The following SCARB1 variants were observed in gnomAD, a reference collection of about 807,000 sequenced individuals.
SCARB1 encodes the protein scavenger receptor class B member 1, also known as CD36 and LIMPII analogous 1.
SCARB1 carries 30 observed loss-of-function variants against 57.2 expected under a neutral mutation model. The ratio of observed to expected loss-of-function variants is 0.52; its 90% CI spans 0.39 to 0.71. SCARB1 has a LOEUF of 0.71. SCARB1 is among the 30% of genes least tolerant of loss of function. SCARB1 has a pLI of 0.00. For synonymous variants in SCARB1, 249 were observed against 268.3 expected, an observed-to-expected ratio of 0.93 and a Z score of 0.70; for missense variants, 543 against 671.2, an observed-to-expected ratio of 0.81 and a Z score of 2.11.
chr12:124,792,405 C>G (rs911875007), intron 9 of SCARB1, among the ~76,000 whole-genome samples: 6 of 152,042 alleles, frequency 3.9e-5, no homozygotes, highest in Non-Finnish European at 7.4e-5. Context: ...CACTGGCAGG[C>G]ACAATCCAGC....
In SCARB1 at chr12:124,800,703, A is replaced by G. The variant is rs560240295; in HGVS notation, c.1010-461T>C. 6.6e-6 allele frequency among the ~76,000 whole-genome samples: 1 copy of G among 152,306 alleles called. No homozygotes were observed. Among genetic ancestry groups the G allele is most frequent in the Admixed American group, 6.5e-5 (1 of 15,308 alleles). On this transcript the variant is annotated intron_variant, in intron 7 of 12. Coordinates refer to ENST00000261693, the MANE Select transcript of SCARB1 (RefSeq NM_005505.5). This position sits in a 1 kb window ranked among gnomAD's most constrained non-coding sequence, Gnocchi z 4.8. ...CAGCCCACACTGTCCCCTGCAGGAC[A>G]CGCAGCAATGATCGGAGCTCAGGTG... is the stretch of plus-strand genomic sequence containing the variant.
chr12:124,834,913 C>G (rs557592531), intron 1 of SCARB1, among the ~76,000 whole-genome samples: 6 of 151,892 alleles, frequency 4.0e-5, no homozygotes, highest in East Asian at 3.9e-4. Context: ...GTCCACCCCC[C>G]CAAAAAAAAG....
chr12:124,858,559 C>T (rs1479350949), intron 1 of SCARB1, among the ~76,000 whole-genome samples: 1 of 152,150 alleles, frequency 6.6e-6, no homozygotes, highest in Non-Finnish European at 1.5e-5. Context: ...AACTATGTAT[C>T]TGTTCATTCG....
intron 9 of SCARB1, among the ~76,000 whole-genome samples, chr12:124,793,251 A>T (rs1949794996): frequency 6.6e-6 from 1 of 152,136 alleles, no homozygotes; most frequent in African/African-American, 2.4e-5. Flanking sequence ...AATTTTTTTT[A>T]ACGAAACTAT....
intron 8 of SCARB1, among the ~76,000 whole-genome samples, chr12:124,798,668 C>A (rs4765609): frequency 6.6e-6 from 1 of 151,038 alleles, no homozygotes; most frequent in Non-Finnish European, 1.5e-5. Flanking sequence ...CGTGGCAAAA[C>A]CCTGTGTCTA....
Position 124,807,753 on chromosome 12 carries a change from G to GCA in SCARB1, c.1009+6_1009+7dup. 1.2e-6 allele frequency: 2 copies of GCA among 1,613,980 alleles called. No homozygotes were observed. The highest frequency in any genetic ancestry group is 2.2e-5 in the South Asian group (2 of 91,072). ...TCCCGCCATCCCAGCACAGGGGACG[G>GCA]CACGTACTGAACCTGCAGGTGCTGA... On this transcript the variant is annotated splice_region_variant and intron_variant, in intron 7 of 12. Transcript: ENST00000261693. This position sits in a 1 kb window ranked among gnomAD's most constrained non-coding sequence, Gnocchi z 5.3.
intron 1 of SCARB1, among the ~76,000 whole-genome samples, chr12:124,856,635 GCC>G (rs1321894969): frequency 6.6e-6 from 1 of 152,236 alleles, no homozygotes; most frequent in African/African-American, 2.4e-5. Flanking sequence ...TCCTCGAGGA[GCC>G]CCCTCCCCAC....
Position 124,812,363 on chromosome 12 carries a change from C to T in SCARB1, c.631-398G>A, listed in dbSNP as rs1038138614. Among the ~76,000 whole-genome samples the T allele has an allele frequency of 6.6e-6, 1 of 152,186 alleles. No individual in the cohort carries two copies. The highest frequency in any genetic ancestry group is 2.1e-4 in the South Asian group (1 of 4,828). Reference sequence around the variant, plus strand: ...TAAGGACTGTGCACACGCCTTTCACCGGGCTCTCTGCCGCTGCTATAGCAG... The same window carrying T: ...TAAGGACTGTGCACACGCCTTTCACTGGGCTCTCTGCCGCTGCTATAGCAG... On this transcript the variant is annotated intron_variant, in intron 4 of 12. Coordinates refer to ENST00000261693, the MANE Select transcript of SCARB1 (RefSeq NM_005505.5). The surrounding 1 kb of genome is among the most constrained non-coding windows in gnomAD (Gnocchi z 4.3).
chr12:124,810,371 C>A lies in SCARB1; in HGVS notation c.727-82G>T. The A allele has an allele frequency of 1.1e-6, 1 of 922,058 alleles. No homozygotes were observed. The highest frequency in any genetic ancestry group is 1.8e-6 in the Non-Finnish European group (1 of 558,140). The allele number at this position is 922,058 out of a possible 1,614,324, so 57.1% of individuals were successfully genotyped here. On this transcript the variant is annotated intron_variant, in intron 5 of 12. Coordinates refer to ENST00000261693, the MANE Select transcript of SCARB1 (RefSeq NM_005505.5). The surrounding 1 kb of genome is among the most constrained non-coding windows in gnomAD (Gnocchi z 4.0). Reference sequence around the variant, plus strand: ...CCTCTCAGGTGCTGCACACCTAACTCACCCTGGTGCACGCACGGCCACTCA... The same window carrying A: ...CCTCTCAGGTGCTGCACACCTAACTAACCCTGGTGCACGCACGGCCACTCA...
At chr12:124,786,052 T>C in intron 11 of SCARB1, 1 of 1,513,160 alleles carries the variant, frequency 6.6e-7, no homozygotes, top group Non-Finnish European at 8.8e-7. Context: ...CATCCCCGGG[T>C]GCTGACTTGA....
Position 124,855,093 on chromosome 12 carries a change from G to A in SCARB1, c.126+8502C>T, listed in dbSNP as rs557832858. Among the ~76,000 whole-genome samples the A allele has an allele frequency of 1.5e-3, 234 of 152,282 alleles. 1 individual carries two copies. The highest frequency in any genetic ancestry group is 4.3e-3 in the Admixed American group (66 of 15,302). On this transcript the variant is annotated intron_variant, in intron 1 of 12. Transcript: ENST00000261693. ...AAGAAGACAGAGCAGCCAGGAAGGT[G>A]GGAGGAAAACCCAGAGAATGGAGAT...
intron 9 of SCARB1, among the ~76,000 whole-genome samples, chr12:124,793,711 AAAAG>A: frequency 6.6e-6 from 1 of 151,064 alleles, no homozygotes; most frequent in East Asian, 2.0e-4. Flanking sequence ...AAAAAAAAAA[AAAAG>A]AATGGGGATG....
In SCARB1 at chr12:124,817,789, C is replaced by G. The variant is rs762483065; in HGVS notation, c.127-82G>C. On this transcript the variant is annotated intron_variant, in intron 1 of 12. Transcript: ENST00000261693. This position sits in a 1 kb window ranked among gnomAD's most constrained non-coding sequence, Gnocchi z 4.8. ...ACCACAAGGCTCCGGAACAGCTGCCCGAGCCCGGCCAGGGAAGGGGCTCCT... is the reference window on the plus strand; with the variant it reads ...ACCACAAGGCTCCGGAACAGCTGCCGGAGCCCGGCCAGGGAAGGGGCTCCT... 8 of 1,499,526 alleles carry G rather than the reference C, an allele frequency of 5.3e-6. No individual in the cohort carries two copies. The highest frequency in any genetic ancestry group is 3.4e-5 in the South Asian group (3 of 88,576). The allele number at this position is 1,499,526 out of a possible 1,614,324, so 92.9% of individuals were successfully genotyped here.
At chr12:124,853,018 A>G (rs2135834384) in intron 1 of SCARB1, among the ~76,000 whole-genome samples, 1 of 151,948 alleles carries the variant, frequency 6.6e-6, no homozygotes, top group Non-Finnish European at 1.5e-5. Flanking sequence ...CAGCTGAAAA[A>G]CCACACAGAT....
At chr12:124,804,932 A>G (rs1200237973) in intron 7 of SCARB1, among the ~76,000 whole-genome samples, 2 of 152,106 alleles carry the variant, frequency 1.3e-5, no homozygotes, top group Non-Finnish European at 2.9e-5. Flanking sequence ...TACAGAACGC[A>G]CTCACCATCC....
chr12:124,820,393 T>A (rs920867447), intron 1 of SCARB1, among the ~76,000 whole-genome samples: 22 of 152,110 alleles, frequency 1.4e-4, no homozygotes, highest in Non-Finnish European at 2.5e-4. Context: ...GAGGTCTTCC[T>A]GGGGGAGGTG....
Position 124,814,429 on chromosome 12 carries a change from G to C in SCARB1, c.427-24C>G. The C allele has an allele frequency of 6.2e-7, 1 of 1,610,646 alleles. No individual in the cohort carries two copies. Among genetic ancestry groups the C allele is most frequent in the Non-Finnish European group, 8.5e-7 (1 of 1,178,220 alleles). ...CCCTGCAAGGCGAAGGGACACTAGT[G>C]TCAGAGGCTGGACGTGGCTGGCCCA... is the stretch of plus-strand genomic sequence containing the variant. On this transcript the variant is annotated intron_variant, in intron 3 of 12. Coordinates refer to ENST00000261693, the MANE Select transcript of SCARB1 (RefSeq NM_005505.5). The surrounding 1 kb of genome is among the most constrained non-coding windows in gnomAD (Gnocchi z 4.7).
intron 1 of SCARB1, among the ~76,000 whole-genome samples, chr12:124,843,567 G>A (rs1566243196): frequency 6.6e-6 from 1 of 152,190 alleles, no homozygotes; most frequent in African/African-American, 2.4e-5. Flanking sequence ...TGCACACATA[G>A]TGCTGGTCTG....
chr12:124,831,181 A>G (rs1951374360), intron 1 of SCARB1, among the ~76,000 whole-genome samples: 1 of 152,010 alleles, frequency 6.6e-6, no homozygotes, highest in Admixed American at 6.6e-5. Flanking sequence ...GTTTTGCCAA[A>G]TTGGCCAGGC....
Sources: gnomAD v4.1 joint callset for allele counts (sites outside exome capture counted in the v4.1 genomes callset) on GRCh38, gnomAD v4.1.1 for gene constraint, Gnocchi (gnomAD v3.1) non-coding constraint, MANE v1.5 for transcripts, NCBI Gene and HGNC (gene_info 2026-07-23, HGNC 2026-07-21) for gene names.